The following FARP2 variants were observed in gnomAD, a reference collection of about 807,000 sequenced individuals.
FARP2 encodes the protein FERM, ARH/RhoGEF and pleckstrin domain protein 2, also known as FERM, ARHGEF and pleckstrin domain-containing protein 2.
Under a neutral mutation model 130.5 loss-of-function variants are expected in FARP2, and 111 were observed. The observed-to-expected ratio is 0.85, with a 90% CI of 0.73 to 1.00. The LOEUF is 1.00. Among genes scored for constraint, FARP2 ranks in the 50% least tolerant of loss-of-function variants. The pLI is 0.00. For synonymous variants in FARP2, 504 were observed against 516.9 expected (o/e 0.98, Z 0.34); for missense variants, 1,385 against 1,346.3 (o/e 1.03, Z -0.45).
At chr2:241,433,633 A>T (rs1207686944) in intron 9 of FARP2, among the ~76,000 whole-genome samples, 2 of 152,218 alleles carry the variant, frequency 1.3e-5, no homozygotes, top group Admixed American at 1.3e-4. Context: ...ATTGTGGGTG[A>T]CTTCATTTTT....
Position 241,494,010 on chromosome 2 carries a change from G to A in FARP2, c.3050G>A (p.Trp1017Ter). 2 of 1,388,578 alleles carry A rather than the reference G, an allele frequency of 1.4e-6. No individual in the cohort carries two copies. Among genetic ancestry groups the A allele is most frequent in the Non-Finnish European group, 1.9e-6 (2 of 1,067,258 alleles). The allele number at this position is 1,388,578 out of a possible 1,614,324, so 86.0% of individuals were successfully genotyped here. Residue 1017 changes from tryptophan to a stop codon, truncating the protein, a stop_gained and splice_region_variant, in exon 27 of 27, where the codon TGG becomes TAG. Coordinates refer to ENST00000264042, the MANE Select transcript of FARP2 (RefSeq NM_014808.4). LOFTEE classifies it low-confidence loss of function (END_TRUNC). The surrounding 1 kb of genome is among the most constrained non-coding windows in gnomAD (Gnocchi z 4.9). Reference sequence around the variant, plus strand: ...CTGATGGCCGCCCTCTCCTCCAGGTGGATGGAGGTGATCCAGGGGGCCAGC... The same window carrying A: ...CTGATGGCCGCCCTCTCCTCCAGGTAGATGGAGGTGATCCAGGGGGCCAGC... ...RAESKYTFER[W>*]MEVIQGASSS...
intron 24 of FARP2, 32 bp downstream of exon 24, chr2:241,491,711 C>A: frequency 6.4e-7 from 1 of 1,558,154 alleles, no homozygotes; most frequent in Non-Finnish European, 8.7e-7. Flanking sequence ...CTCAGTGCAT[C>A]TGGAATGTTC....
intron 8 of FARP2, among the ~76,000 whole-genome samples, chr2:241,429,371 A>G (rs1460669484): frequency 6.6e-6 from 1 of 152,112 alleles, no homozygotes; most frequent in African/African-American, 2.4e-5. Flanking sequence ...CATGACCTTG[A>G]CATTTTGGAA....
In FARP2 at chr2:241,463,475, C is replaced by G. The variant is rs756325348; in HGVS notation, c.1811+7C>G. The G allele has an allele frequency of 6.2e-7, 1 of 1,612,200 alleles. No homozygotes were observed. Among genetic ancestry groups the G allele is most frequent in the African/African-American group, 1.3e-5 (1 of 74,912 alleles). On this transcript the variant is annotated splice_region_variant and intron_variant, in intron 16 of 26. Coordinates refer to ENST00000264042, the MANE Select transcript of FARP2 (RefSeq NM_014808.4). ...AGCAGAGGCTGGCACTCTGGTAACA[C>G]CCCTTCAGCCCCCACACGGGAGACT... is the stretch of plus-strand genomic sequence containing the variant.
chr2:241,456,795 C>G lies in FARP2; in HGVS notation c.1460C>G (p.Pro487Arg). ...CCTTCTCCCTCCAGCCGGAAGAGCC[C>G]CCTGAGTCTGAGCCCTGCATTTCAG... Reference protein sequence around the residue: ...PQPSPSSRKSPLSLSPAFQVP... With the variant: ...PQPSPSSRKSRLSLSPAFQVP... Residue 487 changes from proline to arginine, a missense_variant, in exon 14 of 27, where the codon CCC (proline) becomes CGC (arginine). Physicochemically the swap from Pro to Arg is moderately radical, Grantham distance 103 (BLOSUM62 -2). Transcript: ENST00000264042. 1 of 1,614,136 alleles carries G rather than the reference C, an allele frequency of 6.2e-7. No individual in the cohort carries two copies. Among genetic ancestry groups the G allele is most frequent in the Non-Finnish European group, 8.5e-7 (1 of 1,180,008 alleles).
At chr2:241,458,615 A>G (rs2063928878) in intron 14 of FARP2, among the ~76,000 whole-genome samples, 1 of 152,196 alleles carries the variant, frequency 6.6e-6, no homozygotes, top group Non-Finnish European at 1.5e-5. Context: ...GTTTCCAAAA[A>G]AGATGTCTTT....
intron 20 of FARP2, 43 bp downstream of exon 20, chr2:241,483,576 G>C (rs549709793): frequency 1.9e-6 from 3 of 1,585,162 alleles, no homozygotes; most frequent in Non-Finnish European, 2.6e-6. Context: ...CCCCGAGGGG[G>C]ATGGGCAGCA....
chr2:241,494,169 G>A lies in FARP2; in HGVS notation c.*44G>A. 1 of 1,240,362 alleles carries A rather than the reference G, an allele frequency of 8.1e-7. No individual in the cohort carries two copies. The highest frequency in any genetic ancestry group is 1.1e-6 in the Non-Finnish European group (1 of 910,590). 76.8% of individuals were successfully genotyped at this position (1,240,362 alleles called of 1,614,324 possible). A position where few individuals can be genotyped will look rare whatever the true frequency, so the allele number is the denominator to read the frequency against. ...TTGGACACAACTACAAAGAACAGCA[G>A]GACACAGAGGTGACCTCTGTCCTGA... On this transcript the variant is annotated 3_prime_UTR_variant, in exon 27 of 27. Coordinates refer to ENST00000264042, the MANE Select transcript of FARP2 (RefSeq NM_014808.4). This position sits in a 1 kb window ranked among gnomAD's most constrained non-coding sequence, Gnocchi z 4.9.
At chr2:241,366,124 T>TATATATATATACATATATATATAC in intron 1 of FARP2, among the ~76,000 whole-genome samples, 4 of 51,530 alleles carry the variant, frequency 7.8e-5, no homozygotes, top group Admixed American at 2.1e-4. Context: ...TATATATACG[T>TATATATATATACATATATATATAC]ATATATATAT....
rs573829502 is a variant in FARP2, at chr2:241,396,996, A to G, written c.184-6832A>G. 1.3e-3 allele frequency among the ~76,000 whole-genome samples: 195 copies of G among 152,158 alleles called. 1 individual carries two copies. Among genetic ancestry groups the G allele is most frequent in the Admixed American group, 2.6e-3 (40 of 15,290 alleles). On this transcript the variant is annotated intron_variant, in intron 2 of 26. Coordinates refer to ENST00000264042, the MANE Select transcript of FARP2 (RefSeq NM_014808.4). ...TGGCACATATACAGCATGGAATACT[A>G]TGCAGCCATAAAAAATGATGAGTTC... is the stretch of plus-strand genomic sequence containing the variant.
At chr2:241,464,056 GTCAGAACAGCGTCCCC>G in intron 17 of FARP2, 76 bp downstream of exon 17, 1 of 1,229,318 alleles carries the variant, frequency 8.1e-7, no homozygotes, top group Non-Finnish European at 1.2e-6. Context: ...GCTGAGGCCC[GTCAGAACAGCGTCCCC>G]TCAGAAAAGG....
intron 17 of FARP2, among the ~76,000 whole-genome samples, chr2:241,464,549 A>G (rs1306756747): frequency 1.1e-4 from 16 of 148,684 alleles, no homozygotes; most frequent in African/African-American, 3.5e-4. Context: ...GTCCCCCCTA[A>G]AGCAGGGTCC....
chr2:241,450,867 G>A (rs551402953), intron 13 of FARP2, among the ~76,000 whole-genome samples: 4 of 152,194 alleles, frequency 2.6e-5, no homozygotes, highest in African/African-American at 9.6e-5. Context: ...CCTGAGAATC[G>A]TTTGAATCCA....
At chr2:241,492,766 T>G (rs552220721) in intron 24 of FARP2, 163 bp from the exon 25 acceptor site, 1 of 567,132 alleles carries the variant, frequency 1.8e-6, no homozygotes, top group African/African-American at 1.9e-5. Flanking sequence ...ATGCTTCTGT[T>G]GGACTTAAGT....
At chr2:241,424,235 A>G (rs886839712) in intron 8 of FARP2, among the ~76,000 whole-genome samples, 2 of 152,214 alleles carry the variant, frequency 1.3e-5, no homozygotes, top group Admixed American at 6.5e-5. Context: ...CAGCAAATGC[A>G]TAAGAACTGA....
intron 9 of FARP2, 78 bp from the exon 10 acceptor site, chr2:241,434,080 T>G: frequency 9.9e-6 from 11 of 1,112,670 alleles, no homozygotes; most frequent in Non-Finnish European, 1.4e-5. Context: ...CCCTATCGTG[T>G]GATCTGCTTC....
At chr2:241,417,213 G>A (rs1262650707) in intron 7 of FARP2, among the ~76,000 whole-genome samples, 3 of 150,740 alleles carry the variant, frequency 2.0e-5, no homozygotes, top group Admixed American at 6.6e-5. Flanking sequence ...AGGAGAATCC[G>A]CTTGAACCTG....
At chr2:241,437,662 A>ATTTT (rs1254102658) in intron 12 of FARP2, among the ~76,000 whole-genome samples, 10 of 135,408 alleles carry the variant, frequency 7.4e-5, no homozygotes, top group Non-Finnish European at 9.5e-5. Context: ...TTATTTATTT[A>ATTTT]TTTATTTATT....
At chr2:241,390,551 G>A (rs908173953) in intron 2 of FARP2, among the ~76,000 whole-genome samples, 2 of 152,078 alleles carry the variant, frequency 1.3e-5, no homozygotes, top group Non-Finnish European at 2.9e-5. Context: ...GTTGAGGTTC[G>A]GTTTCTGGAG....
Sources: gnomAD v4.1 joint callset for allele counts (sites outside exome capture counted in the v4.1 genomes callset) on GRCh38, gnomAD v4.1.1 for gene constraint, Gnocchi (gnomAD v3.1) non-coding constraint, MANE v1.5 for transcripts, NCBI Gene and HGNC (gene_info 2026-07-23, HGNC 2026-07-21) for gene names.